SALL4: variants seen among roughly 807,000 people sequenced by gnomAD.
The protein encoded by SALL4 is sal-like protein 4.
A neutral mutation model predicts 60.8 loss-of-function variants in SALL4; 4 were observed. That is an observed-to-expected ratio of 0.07 (90% CI 0.03 to 0.15). SALL4 has a LOEUF of 0.15. SALL4 is among the 10% of genes least tolerant of loss of function. The pLI, the probability that SALL4 is intolerant of heterozygous loss-of-function variation, is 1.00. For missense variants in SALL4, 1,178 were observed against 1,394.7 expected (o/e 0.84, Z 2.48); for synonymous variants, 580 against 574.9 (o/e 1.01, Z -0.13).
chr20:51,794,824 C>G (rs752407119), intron 1 of SALL4, among the ~76,000 whole-genome samples: 13 of 152,150 alleles, frequency 8.5e-5, no homozygotes, highest in Non-Finnish European at 1.3e-4. Flanking sequence ...CAGTATTAAA[C>G]CCCAGACATG....
chr20:51,801,494 C>A lies in SALL4; in HGVS notation c.130+785G>T, dbSNP rs1368547581. ...CCCGGCCACTGGGGGCTCGCACCCT[C>A]GGGCTTGCCGCGGTTATTTTTAGGA... On this transcript the variant is annotated intron_variant, in intron 1 of 3. Transcript: ENST00000217086. This position sits in a 1 kb window ranked among gnomAD's most constrained non-coding sequence, Gnocchi z 5.2. 6.6e-6 allele frequency: 1 copy of A among 152,286 alleles called. No individual in the cohort carries two copies. Among genetic ancestry groups the A allele is most frequent in the Non-Finnish European group, 1.5e-5 (1 of 68,110 alleles). 9.4% of individuals were successfully genotyped at this position (152,286 alleles called of 1,614,324 possible).
chr20:51,790,924 G>T lies in SALL4; in HGVS notation c.1559C>A (p.Thr520Lys). ...ATAGTTTGGTCCCACCCCAGGGAGTGTGGGTCCACCCTCACTTTCTGGAGA... is the reference window on the plus strand; with the variant it reads ...ATAGTTTGGTCCCACCCCAGGGAGTTTGGGTCCACCCTCACTTTCTGGAGA... ...GPSPESEGGP[T>K]LPGVGPNYNS... is the part of the protein sequence containing the mutation. Residue 520 changes from threonine (T) to lysine (K), a missense_variant, in exon 2 of 4, where the codon ACA becomes AAA. Physicochemically the swap from Thr to Lys is moderately conservative, Grantham distance 78. This residue lies in a region of SALL4 where 853 missense variants were observed against 1,036.8 expected (regional missense o/e 0.82). Coordinates refer to ENST00000217086, the MANE Select transcript of SALL4 (RefSeq NM_020436.5). This position sits in a 1 kb window ranked among gnomAD's most constrained non-coding sequence, Gnocchi z 5.5. 6.2e-7 allele frequency: 1 copy of T among 1,614,170 alleles called. No individual in the cohort carries two copies. Among genetic ancestry groups the T allele is most frequent in the Non-Finnish European group, 8.5e-7 (1 of 1,180,040 alleles).
chr20:51,788,596 C>A lies in SALL4; in HGVS notation c.2742+265G>T, dbSNP rs935367169. Among the ~76,000 whole-genome samples the A allele has an allele frequency of 1.3e-5, 2 of 152,138 alleles. No homozygotes were observed. The highest frequency in any genetic ancestry group is 2.9e-5 in the Non-Finnish European group (2 of 68,036). The stretch of plus-strand genomic sequence containing the variant: ...GTCCCAGCTACTCAGGAGGCTGAGG[C>A]AGGAGAATGGCATGAACCCGGGAGG... On this transcript the variant is annotated intron_variant, in intron 3 of 3. Coordinates refer to ENST00000217086, the MANE Select transcript of SALL4 (RefSeq NM_020436.5). This position sits in a 1 kb window ranked among gnomAD's most constrained non-coding sequence, Gnocchi z 4.1.
rs763917686 is a variant in SALL4 at position 51,802,421 on chromosome 20, G to C, written c.-13C>G. On this transcript the variant is annotated 5_prime_UTR_variant, in exon 1 of 4. Coordinates refer to ENST00000217086, the MANE Select transcript of SALL4 (RefSeq NM_020436.5). ...TGCGCCTCGACATGGTGCGAGCATCGGGGCGCCGGGAGAGCCGCAGTTATT... is the reference window on the plus strand; with the variant it reads ...TGCGCCTCGACATGGTGCGAGCATCCGGGCGCCGGGAGAGCCGCAGTTATT... 3.7e-6 allele frequency: 6 copies of C among 1,612,568 alleles called. No individual in the cohort carries two copies. Among genetic ancestry groups the C allele is most frequent in the South Asian group, 3.3e-5 (3 of 91,038 alleles).
Position 51,782,573 on chromosome 20 carries a change from A to AAAAAAAAAAAAAAAAAG in SALL4, c.*1691_*1692insCTTTTTTTTTTTTTTTT, listed in dbSNP as rs57307622. ...GGCAAAAAAAAAAAAAAAAAAAAAA[A>AAAAAAAAAAAAAAAAAG]AGGGGGGCGGAATCCTAAAGTCAGG... On this transcript the variant is annotated 3_prime_UTR_variant, in exon 4 of 4. Transcript: ENST00000217086. 7.6e-6 allele frequency: 1 copy of AAAAAAAAAAAAAAAAAG among 131,954 alleles called. No homozygotes were observed. Among genetic ancestry groups the AAAAAAAAAAAAAAAAAG allele is most frequent in the Non-Finnish European group, 1.5e-5 (1 of 65,286 alleles). The allele number at this position is 131,954 out of a possible 1,614,324, so 8.2% of individuals were successfully genotyped here. A position where few individuals can be genotyped will look rare whatever the true frequency, so the allele number is the denominator to read the frequency against.
intron 3 of SALL4, among the ~76,000 whole-genome samples, chr20:51,785,095 G>C (rs1395005331): frequency 6.6e-6 from 1 of 152,098 alleles, no homozygotes; most frequent in East Asian, 1.9e-4. Flanking sequence ...TTGAGGTCAG[G>C]AGTTCAAGAC....
At position 51,791,461 on chromosome 20, in the gene SALL4, G is replaced by C. The variant is rs1299914322; in HGVS notation, c.1022C>G (p.Ser341Trp). Reference protein sequence around the residue: ...PSALLPQAPGSVLFQSPFSTV... With the variant: ...PSALLPQAPGWVLFQSPFSTV... ...GGAGAAAGGGCTCTGGAAGAGCACC[G>C]AGCCCGGGGCCTGAGGAAGCAAAGC... Residue 341 changes from serine (S) to tryptophan (W), a missense_variant, in exon 2 of 4, where the codon TCG becomes TGG. By Grantham distance (177) the Ser-to-Trp change is radical. Around this residue, in one of 5 missense-constraint regions of SALL4, gnomAD observed 853 missense variants for 1,036.8 expected, o/e 0.82. Coordinates refer to ENST00000217086, the MANE Select transcript of SALL4 (RefSeq NM_020436.5). The surrounding 1 kb of genome is among the most constrained non-coding windows in gnomAD (Gnocchi z 4.6). The C allele has an allele frequency of 2.5e-6, 4 of 1,614,030 alleles. No homozygotes were observed. Among genetic ancestry groups the C allele is most frequent in the African/African-American group, 1.3e-5 (1 of 74,922 alleles).
At position 51,788,815 on chromosome 20, in the gene SALL4, ACCTGGTG is replaced by A. The variant is rs1568862106; in HGVS notation, c.2742+39_2742+45del. ...TCACGGCTTGTGCCAATAAGAAGAC[ACCTGGTG>A]CCTAGCCCCCATCCTGCTGAAAGCC... On this transcript the variant is annotated intron_variant, in intron 3 of 3. Transcript: ENST00000217086. This position sits in a 1 kb window ranked among gnomAD's most constrained non-coding sequence, Gnocchi z 4.1. 6.2e-7 allele frequency: 1 copy of A among 1,609,608 alleles called. No individual in the cohort carries two copies. Among genetic ancestry groups the A allele is most frequent in the East Asian group, 2.2e-5 (1 of 44,886 alleles).
chr20:51,790,882 C>A lies in SALL4; in HGVS notation c.1601G>T (p.Gly534Val). ...AGGGGTCCCACTCCCTTGGAAGCCA[C>A]CAGCCCTTGGGGAATTATAGTTTGG... ...VGPNYNSPRA[G>V]GFQGSGTPEP... The change falls in exon 2 of 4, where the codon GGT becomes GTT. Residue 534 changes from glycine to valine, a missense_variant. This residue lies in a region of SALL4 where 853 missense variants were observed against 1,036.8 expected (regional missense o/e 0.82). Coordinates refer to ENST00000217086, the MANE Select transcript of SALL4 (RefSeq NM_020436.5). The surrounding 1 kb of genome is among the most constrained non-coding windows in gnomAD (Gnocchi z 5.5). The A allele has an allele frequency of 6.2e-7, 1 of 1,614,126 alleles. No individual in the cohort carries two copies. The highest frequency in any genetic ancestry group is 2.2e-5 in the East Asian group (1 of 44,864).
chr20:51,784,505 G>A lies in SALL4; in HGVS notation c.2922C>T (p.Ser974=). 6.2e-7 allele frequency: 1 copy of A among 1,614,164 alleles called. No individual in the cohort carries two copies. Among genetic ancestry groups the A allele is most frequent in the East Asian group, 2.2e-5 (1 of 44,880 alleles). ...TCACGGCCAGACCGCCATTGAGCAT[G>A]CTGGTGTACTGGTTCCACACAACAG... ...VDPVVWNQYT[S]MLNGGLAVKT... Residue 974 remains serine (S), a synonymous_variant, in exon 4 of 4, where the codon AGC becomes AGT. Transcript: ENST00000217086.
intron 3 of SALL4, among the ~76,000 whole-genome samples, chr20:51,786,051 C>G (rs2077989899): frequency 6.7e-6 from 1 of 149,594 alleles, no homozygotes. Context: ...TCCTGAGTAC[C>G]TGGGACTACA....
In SALL4 at chr20:51,801,117, TC is replaced by T. The variant is rs1416700135; in HGVS notation, c.130+1161del. ...ACAAGGCCGGAGAGGAGGCTACAAA[TC>T]CCCCCTCCCCCCACGCGCACGCTAA... On this transcript the variant is annotated intron_variant, in intron 1 of 3. Transcript: ENST00000217086. This position sits in a 1 kb window ranked among gnomAD's most constrained non-coding sequence, Gnocchi z 5.2. 1.3e-5 allele frequency among the ~76,000 whole-genome samples: 2 copies of T among 149,952 alleles called. No individual in the cohort carries two copies. The highest frequency in any genetic ancestry group is 3.0e-5 in the Non-Finnish European group (2 of 67,574).
At chr20:51,798,555 G>A (rs1433476239) in intron 1 of SALL4, among the ~76,000 whole-genome samples, 1 of 152,132 alleles carries the variant, frequency 6.6e-6, no homozygotes, top group East Asian at 1.9e-4. Context: ...ATAGTCAAAA[G>A]TACTGTAGGC....
rs1177679568 is a variant in SALL4, at chr20:51,784,436, G to A, written c.2991C>T (p.Thr997=). 4.3e-6 allele frequency: 7 copies of A among 1,614,154 alleles called. No individual in the cohort carries two copies. The highest frequency in any genetic ancestry group is 1.6e-4 in the Middle Eastern group (1 of 6,062). The change falls in exon 4 of 4, where the codon ACC becomes ACT. Residue 997 remains threonine, a synonymous_variant. Transcript: ENST00000217086. The part of the protein sequence containing the change: ...ISVIQSGGVP[T]LPVSLGATSV... ...AGGTGGCCCCCAAGGAAACCGGGAG[G>A]GTAGGAACCCCCCCACTCTGGATCA...
intron 2 of SALL4, 44 bp from the exon 3 acceptor site, chr20:51,789,185 C>T (rs1187737441): frequency 1.9e-5 from 30 of 1,605,920 alleles, no homozygotes; most frequent in Non-Finnish European, 2.4e-5. Flanking sequence ...ATCATCCAAC[C>T]TTCATTCTTT....
rs1335021912 is a variant in SALL4 at position 51,790,633 on chromosome 20, C to T, written c.1850G>A (p.Arg617Gln). 9 of 1,614,094 alleles carry T rather than the reference C, an allele frequency of 5.6e-6. No homozygotes were observed. Among genetic ancestry groups the T allele is most frequent in the Admixed American group, 3.3e-5 (2 of 59,998 alleles). Reference sequence around the variant, plus strand: ...CTGCGTCTTAATGGATGTGTTGGTTCGGTGAACCCCAAGGTGTGTCTTCAG... The same window carrying T: ...CTGCGTCTTAATGGATGTGTTGGTTTGGTGAACCCCAAGGTGTGTCTTCAG... ...GNLKTHLGVH[R>Q]TNTSIKTQHS... Residue 617 changes from arginine to glutamine, a missense_variant, in exon 2 of 4, where the codon CGA becomes CAA. By Grantham distance (43) the Arg-to-Gln change is conservative. Transcript: ENST00000217086. This position sits in a 1 kb window ranked among gnomAD's most constrained non-coding sequence, Gnocchi z 5.5.
chr20:51,784,647 G>T lies in SALL4; in HGVS notation c.2780C>A (p.Ala927Asp). The T allele has an allele frequency of 6.2e-7, 1 of 1,614,178 alleles. No individual in the cohort carries two copies. Among genetic ancestry groups the T allele is most frequent in the Non-Finnish European group, 8.5e-7 (1 of 1,180,042 alleles). The change falls in exon 4 of 4, where the codon GCC becomes GAC. Residue 927 changes from alanine to aspartate, a missense_variant. Around this residue, in one of 5 missense-constraint regions of SALL4, gnomAD observed 174 missense variants for 169.6 expected, o/e 1.03. Coordinates refer to ENST00000217086, the MANE Select transcript of SALL4 (RefSeq NM_020436.5). ...YMTHGANNNS[A>D]RRGRKLAIEN... ...GATGGCCAACTTCCTTCCACGGCGG[G>T]CTGAGTTATTGTTCGCCCCGTGTGT...
Position 51,784,284 on chromosome 20 carries a change from T to G in SALL4, c.3143A>C (p.Asn1048Thr). The change falls in exon 4 of 4, where the codon AAC becomes ACC. Residue 1048 changes from asparagine (N) to threonine (T), a missense_variant. Asn to Thr is a moderately conservative substitution (Grantham distance 65). Around this residue, in one of 5 missense-constraint regions of SALL4, gnomAD observed 174 missense variants for 169.6 expected, o/e 1.03. Coordinates refer to ENST00000217086, the MANE Select transcript of SALL4 (RefSeq NM_020436.5). ...KHQFPHFLEENKIAVS is the reference protein window; with the variant it reads ...KHQFPHFLEETKIAVS ...TCTCCCTTAGCTGACCGCAATCTTG[T>G]TTTCTTCCAGGAAGTGAGGAAACTG... 1 of 1,614,072 alleles carries G rather than the reference T, an allele frequency of 6.2e-7. No individual in the cohort carries two copies. The highest frequency in any genetic ancestry group is 8.5e-7 in the Non-Finnish European group (1 of 1,180,030).
At chr20:51,800,896 T>C (rs934442049) in intron 1 of SALL4, among the ~76,000 whole-genome samples, 1 of 152,188 alleles carries the variant, frequency 6.6e-6, no homozygotes, top group Non-Finnish European at 1.5e-5. Context: ...GGAATTCTAT[T>C]GACGTATTAT....
Sources: allele counts gnomAD v4.1 joint callset (sites outside exome capture counted in the v4.1 genomes callset), GRCh38; gene constraint gnomAD v4.1.1; regional missense constraint gnomAD v4.1.1; non-coding constraint Gnocchi (gnomAD v3.1); transcripts MANE v1.5; gene names NCBI Gene and HGNC (gene_info 2026-07-23, HGNC 2026-07-21).